Variants in NRXN3 observed in about 807,000 individuals in gnomAD.
NRXN3 encodes the protein neurexin III.
Under a neutral mutation model 137.6 loss-of-function variants are expected in NRXN3, and 32 were observed. The ratio of observed to expected loss-of-function variants is 0.23; its 90% CI spans 0.18 to 0.31. NRXN3 has a LOEUF of 0.31. Among genes scored for constraint, NRXN3 ranks in the 10% least tolerant of loss-of-function variants. The pLI is 1.00. For missense variants in NRXN3, 1,574 were observed against 2,062.5 expected (o/e 0.76, Z 4.59); for synonymous variants, 798 against 784.5 (o/e 1.02, Z -0.29).
chr14:78,633,126 G>A (rs1290149032), intron 4 of NRXN3, among the ~76,000 whole-genome samples: 1 of 151,210 alleles, frequency 6.6e-6, no homozygotes, highest in Non-Finnish European at 1.5e-5. Flanking sequence ...GTGGTGGCGG[G>A]TGCCTGTAGT....
At chr14:79,013,736 G>A (rs938318810) in intron 15 of NRXN3, among the ~76,000 whole-genome samples, 1 of 152,088 alleles carries the variant, frequency 6.6e-6, no homozygotes, top group Admixed American at 6.6e-5. Flanking sequence ...GCCACTTTAC[G>A]TGGCTTATAG....
At chr14:78,191,536 C>T (rs180673861) in intron 1 of NRXN3, among the ~76,000 whole-genome samples, 11 of 152,238 alleles carry the variant, frequency 7.2e-5, no homozygotes, top group Admixed American at 7.2e-4. Flanking sequence ...AGGCATTGGC[C>T]TCCGCTGCAA....
intron 8 of NRXN3, among the ~76,000 whole-genome samples, chr14:78,786,306 A>C (rs918032213): frequency 3.9e-5 from 6 of 152,190 alleles, no homozygotes; most frequent in African/African-American, 1.4e-4. Context: ...AGAAGAGCAT[A>C]TTCTCCTGAG....
chr14:78,562,639 C>T (rs933007410), intron 4 of NRXN3, among the ~76,000 whole-genome samples: 2 of 152,088 alleles, frequency 1.3e-5, no homozygotes, highest in Non-Finnish European at 2.9e-5. Context: ...AATGAAGAAA[C>T]CAGCTTGCAC....
chr14:79,765,938 C>G (rs1472132217), intron 19 of NRXN3, among the ~76,000 whole-genome samples: 1 of 152,132 alleles, frequency 6.6e-6, no homozygotes, highest in African/African-American at 2.4e-5. Flanking sequence ...AACAATAACT[C>G]CACACATGTG....
intron 15 of NRXN3, among the ~76,000 whole-genome samples, chr14:79,348,714 C>G (rs1274388059): frequency 6.6e-6 from 1 of 152,090 alleles, no homozygotes; most frequent in African/African-American, 2.4e-5. Context: ...AGGGCAGTCG[C>G]CACAATATGG....
chr14:79,190,319 C>T (rs1437034895), intron 15 of NRXN3, among the ~76,000 whole-genome samples: 1 of 152,024 alleles, frequency 6.6e-6, no homozygotes, highest in African/African-American at 2.4e-5. Context: ...TTTCTTCCCT[C>T]TCTGTATCTA....
chr14:78,376,913 G>A (rs1225426822), intron 4 of NRXN3, among the ~76,000 whole-genome samples: 2 of 152,076 alleles, frequency 1.3e-5, no homozygotes, highest in Non-Finnish European at 2.9e-5. Context: ...CATTAAGAAA[G>A]CTACACAAAA....
At chr14:79,684,333 T>C (rs2098685984) in intron 17 of NRXN3, among the ~76,000 whole-genome samples, 1 of 152,152 alleles carries the variant, frequency 6.6e-6, no homozygotes, top group African/African-American at 2.4e-5. Context: ...AAGCCTAATA[T>C]GCGGTCCTGT....
At chr14:79,246,170 A>G (rs1281143971) in intron 15 of NRXN3, among the ~76,000 whole-genome samples, 1 of 152,210 alleles carries the variant, frequency 6.6e-6, no homozygotes, top group Non-Finnish European at 1.5e-5. Flanking sequence ...GCATATTCCC[A>G]TGGCTGGAAC....
intron 16 of NRXN3, among the ~76,000 whole-genome samples, chr14:79,480,665 T>G (rs2096599441): frequency 6.6e-6 from 1 of 152,168 alleles, no homozygotes. Flanking sequence ...CCTGTTCAAT[T>G]GTAATCCCCA....
intron 9 of NRXN3, among the ~76,000 whole-genome samples, chr14:78,809,672 C>A (rs2098898658): frequency 6.6e-6 from 1 of 152,096 alleles, no homozygotes; most frequent in Admixed American, 6.5e-5. Flanking sequence ...AGGAAGATGG[C>A]AAGTGTGCCT....
At chr14:79,575,635 C>T (rs1432464029) in intron 16 of NRXN3, among the ~76,000 whole-genome samples, 2 of 152,112 alleles carry the variant, frequency 1.3e-5, no homozygotes, top group Non-Finnish European at 2.9e-5. Flanking sequence ...CTCTCTAAAG[C>T]AGAATTTCCC....
intron 15 of NRXN3, among the ~76,000 whole-genome samples, chr14:79,094,979 A>AGAGAGAGAGAGAGAGTGTGTGT (rs553957969): frequency 8.6e-6 from 1 of 115,880 alleles, no homozygotes; most frequent in African/African-American, 3.2e-5. Flanking sequence ...AGAGAGAGAG[A>AGAGAGAGAGAGAGAGTGTGTGT]GTGTGTGTGT....
At chr14:78,207,188 A>G (rs984178802) in intron 1 of NRXN3, among the ~76,000 whole-genome samples, 2 of 152,084 alleles carry the variant, frequency 1.3e-5, no homozygotes, top group African/African-American at 4.8e-5. Context: ...TTTCTAAGGA[A>G]TATTACCTAG....
intron 15 of NRXN3, among the ~76,000 whole-genome samples, chr14:79,355,256 A>ACC: frequency 1.4e-5 from 2 of 140,560 alleles, no homozygotes; most frequent in African/African-American, 6.0e-5. Context: ...TCTGTCCCCC[A>ACC]CCCCCTTCCT....
At chr14:78,457,901 A>T (rs1474725604) in intron 4 of NRXN3, among the ~76,000 whole-genome samples, 1 of 152,122 alleles carries the variant, frequency 6.6e-6, no homozygotes, top group African/African-American at 2.4e-5. Flanking sequence ...CCCATGGGTG[A>T]TGTGGTAAGG....
At chr14:79,193,516 C>A (rs536662519) in intron 15 of NRXN3, among the ~76,000 whole-genome samples, 8 of 152,204 alleles carry the variant, frequency 5.3e-5, no homozygotes, top group Non-Finnish European at 1.2e-4. Flanking sequence ...GCACATTAAA[C>A]TTACGTTGCA....
At position 78,317,729 on chromosome 14, in the gene NRXN3, A is replaced by G. The variant is rs149075476; in HGVS notation, c.757+19869A>G. ...CACACTCAGAACAATGTTTAATCAG[A>G]GTACTGGGACTCAGTTAAGTTGACA... On this transcript the variant is annotated intron_variant, in intron 4 of 20. Coordinates refer to ENST00000335750, the MANE Select transcript of NRXN3 (RefSeq NM_001330195.2). Among the ~76,000 whole-genome samples the G allele has an allele frequency of 4.2e-3, 647 of 152,334 alleles. 6 individuals carry two copies. The highest frequency in any genetic ancestry group is 0.015 in the African/African-American group (615 of 41,592).
Sources: allele counts gnomAD v4.1 joint callset (sites outside exome capture counted in the v4.1 genomes callset), GRCh38; gene constraint gnomAD v4.1.1; transcripts MANE v1.5; gene names NCBI Gene and HGNC (gene_info 2026-07-23, HGNC 2026-07-21).